The following PCGF3 variants were observed in gnomAD, a reference collection of about 807,000 sequenced individuals.
PCGF3 encodes the protein polycomb group ring finger 3.
Under a neutral mutation model 33.1 loss-of-function variants are expected in PCGF3, and 7 were observed. The observed-to-expected ratio is 0.21, with a 90% CI of 0.12 to 0.40. PCGF3 has a LOEUF of 0.40. Among genes scored for constraint, PCGF3 ranks in the 10% least tolerant of loss-of-function variants. The probability of loss-of-function intolerance (pLI) is 1.00; values close to 1 mark genes in which losing one functional copy is unlikely to be tolerated. For missense variants in PCGF3, 211 were observed against 313.3 expected (o/e 0.67, Z 2.46); for synonymous variants, 153 against 121.3 (o/e 1.26, Z -1.72).
Position 734,279 on chromosome 4 carries a change from G to A in PCGF3, c.109+490G>A, listed in dbSNP as rs1221534967. ...CTGACGGGCAGGTGCCATCCATCAGGCTGAGGCTCGGCTCTTATGCTAACC... is the reference window on the plus strand; with the variant it reads ...CTGACGGGCAGGTGCCATCCATCAGACTGAGGCTCGGCTCTTATGCTAACC... On this transcript the variant is annotated intron_variant, in intron 4 of 10. Transcript: ENST00000362003. 38 of 1,464,588 alleles carry A rather than the reference G, an allele frequency of 2.6e-5. No individual in the cohort carries two copies. The East Asian group carries it at 9.2e-4, about 36-fold the overall frequency. 90.7% of individuals were successfully genotyped at this position (1,464,588 alleles called of 1,614,324 possible). A position where few individuals can be genotyped will look rare whatever the true frequency, so the allele number is the denominator to read the frequency against.
intron 8 of PCGF3, among the ~76,000 whole-genome samples, chr4:758,059 T>A (rs1483722081): frequency 6.7e-6 from 1 of 148,688 alleles, no homozygotes; most frequent in Non-Finnish European, 1.5e-5. Flanking sequence ...TCCCAGCTAC[T>A]CGGGAGGCTG....
rs1167837151 is a variant in PCGF3, at chr4:720,118, C to T, written c.-189-10512C>T. 1.3e-5 allele frequency among the ~76,000 whole-genome samples: 2 copies of T among 152,210 alleles called. No individual in the cohort carries two copies. The highest frequency in any genetic ancestry group is 1.3e-4 in the Admixed American group (2 of 15,292). On this transcript the variant is annotated intron_variant, in intron 1 of 10. Transcript: ENST00000362003. This position sits in a 1 kb window ranked among gnomAD's most constrained non-coding sequence, Gnocchi z 5.6. ...CTGGCATCGACTGGATGGCCTTTCC[C>T]TCCTGAGTGACAGCCCTGGACGTGC...
At chr4:706,865 C>G (rs1577388755) in intron 1 of PCGF3, among the ~76,000 whole-genome samples, 1 of 99,292 alleles carries the variant, frequency 1.0e-5, no homozygotes, top group African/African-American at 4.0e-5. Flanking sequence ...GGGAAGGTCG[C>G]GACCCCAGCC....
At chr4:747,835 A>G (rs1368594880) in intron 8 of PCGF3, among the ~76,000 whole-genome samples, 1 of 152,056 alleles carries the variant, frequency 6.6e-6, no homozygotes, top group Admixed American at 6.5e-5. Flanking sequence ...AGTGACAGCC[A>G]GCACCCAAGG....
At chr4:711,454 CT>C (rs1248598317) in intron 1 of PCGF3, among the ~76,000 whole-genome samples, 60 of 82,894 alleles carry the variant, frequency 7.2e-4, no homozygotes, top group South Asian at 2.1e-3. Flanking sequence ...TTTTTTTTTT[CT>C]TTTTTTTTTT....
rs539149425 is a variant in PCGF3 at position 731,050 on chromosome 4, A to C, written c.-70A>C. 61 of 398,592 alleles carry C rather than the reference A, an allele frequency of 1.5e-4. 1 individual carries two copies. In the South Asian group the frequency reaches 6.9e-3, roughly 45 times the overall value. 24.7% of individuals were successfully genotyped at this position (398,592 alleles called of 1,614,324 possible). ...GAGCCAGGAGGCAGCGTCGCGTGGG[A>C]GTGCTGGCCTGAAGCCTCCATGCCC... On this transcript the variant is annotated 5_prime_UTR_variant, in exon 3 of 11. Coordinates refer to ENST00000362003, the Ensembl canonical transcript of PCGF3.
intron 10 of PCGF3, among the ~76,000 whole-genome samples, chr4:765,475 T>C (rs1223260005): frequency 6.6e-6 from 1 of 150,780 alleles, no homozygotes; most frequent in Non-Finnish European, 1.5e-5. Context: ...GAAATTGTTG[T>C]GAAACACAGT....
intron 1 of PCGF3, chr4:723,856 C>T (rs1743219360): frequency 6.6e-6 from 1 of 152,538 alleles, no homozygotes; most frequent in East Asian, 1.9e-4. Flanking sequence ...GGCTGGCTGG[C>T]TCCCCAGAAG....
chr4:742,117 C>T (rs189289104), intron 6 of PCGF3, among the ~76,000 whole-genome samples: 2 of 151,992 alleles, frequency 1.3e-5, no homozygotes, highest in Admixed American at 1.3e-4. Flanking sequence ...TCTCAGGGTC[C>T]CCTCCTCTCT....
rs553815696 is a variant in PCGF3, at chr4:727,920, G to A, written c.-189-2710G>A. On this transcript the variant is annotated intron_variant, in intron 1 of 10. Coordinates refer to ENST00000362003, the Ensembl canonical transcript of PCGF3. ...AGACTGAATTATTTGTGCCCTGAGCGTCTGGTGAAACCACCTGCATCCCTC... is the reference window on the plus strand; with the variant it reads ...AGACTGAATTATTTGTGCCCTGAGCATCTGGTGAAACCACCTGCATCCCTC... 4.1e-4 allele frequency among the ~76,000 whole-genome samples: 62 copies of A among 152,288 alleles called. 1 individual carries two copies. In the South Asian group the frequency reaches 8.7e-3, roughly 21 times the overall value.
rs1210584198 is a variant in PCGF3 at position 736,140 on chromosome 4, C to T, written c.206+1113C>T. On this transcript the variant is annotated intron_variant, in intron 5 of 10. Transcript: ENST00000362003. ...TCAGCTCACCGCAACCTCCACCTCCCGGGTTCAAGTGATTCTCCTGCCTCA... is the reference window on the plus strand; with the variant it reads ...TCAGCTCACCGCAACCTCCACCTCCTGGGTTCAAGTGATTCTCCTGCCTCA... Among the ~76,000 whole-genome samples, 9 of 152,058 alleles carry T rather than the reference C, an allele frequency of 5.9e-5. No individual in the cohort carries two copies. In the East Asian group the frequency reaches 9.6e-4, roughly 16 times the overall value.
chr4:707,252 G>A (rs75751670), intron 1 of PCGF3, among the ~76,000 whole-genome samples: 15,280 of 151,948 alleles, frequency 0.1, 906 homozygotes, highest in East Asian at 0.14. Context: ...AATCACGGAG[G>A]AGGGCCAGAC....
At chr4:758,620 T>C (rs1744897610) in intron 8 of PCGF3, among the ~76,000 whole-genome samples, 1 of 126,054 alleles carries the variant, frequency 7.9e-6, no homozygotes. Flanking sequence ...TCCAGTTCTT[T>C]CTCCCCGCGC....
rs111255628 is a variant in PCGF3, at chr4:720,711, C to A, written c.-189-9919C>A. On this transcript the variant is annotated intron_variant, in intron 1 of 10. Transcript: ENST00000362003. This position sits in a 1 kb window ranked among gnomAD's most constrained non-coding sequence, Gnocchi z 5.6. ...GGCGGTGACGTGCGTGTGGACCCGG[C>A]GTGGACGGGCGGTGACGTGCGTGTG... 7.4e-6 allele frequency among the ~76,000 whole-genome samples: 1 copy of A among 135,026 alleles called. No homozygotes were observed. The highest frequency in any genetic ancestry group is 1.6e-5 in the Non-Finnish European group (1 of 62,350). The allele number at this position is 135,026 out of a possible 152,430, so 88.6% of individuals were successfully genotyped here. A position where few individuals can be genotyped will look rare whatever the true frequency, so the allele number is the denominator to read the frequency against.
intron 1 of PCGF3, among the ~76,000 whole-genome samples, chr4:715,539 CACTG>C (rs1742786970): frequency 7.2e-6 from 1 of 138,736 alleles, no homozygotes; most frequent in Non-Finnish European, 1.6e-5. Context: ...ACCCTGTAGA[CACTG>C]AGTGTGAGAA....
At chr4:764,619 G>C (rs1417530986) in intron 9 of PCGF3, 2 of 197,836 alleles carry the variant, frequency 1.0e-5, no homozygotes, top group African/African-American at 4.7e-5. Context: ...CCTGTCAAGA[G>C]AAAAAGGGTT....
intron 8 of PCGF3, among the ~76,000 whole-genome samples, chr4:748,255 G>A (rs1216151542): frequency 7.9e-5 from 12 of 151,680 alleles, no homozygotes; most frequent in Admixed American, 5.3e-4. Context: ...GCTGGAATGC[G>A]GTGGCACCAT....
intron 1 of PCGF3, among the ~76,000 whole-genome samples, chr4:727,184 T>G (rs1226757531): frequency 6.6e-6 from 1 of 151,246 alleles, no homozygotes; most frequent in Non-Finnish European, 1.5e-5. Flanking sequence ...AGGGCTGCTT[T>G]GAACATTGTT....
At chr4:748,019 G>A (rs1744340557) in intron 8 of PCGF3, among the ~76,000 whole-genome samples, 1 of 152,144 alleles carries the variant, frequency 6.6e-6, no homozygotes, top group Non-Finnish European at 1.5e-5. Context: ...GCGTCTCTGT[G>A]CTCCGTGAAT....
Sources: gnomAD v4.1 joint callset for allele counts (sites outside exome capture counted in the v4.1 genomes callset) on GRCh38, gnomAD v4.1.1 for gene constraint, Gnocchi (gnomAD v3.1) non-coding constraint, MANE v1.5 for transcripts, NCBI Gene and HGNC (gene_info 2026-07-23, HGNC 2026-07-21) for gene names.